The following DLG2 variants were observed in gnomAD, a reference collection of about 807,000 sequenced individuals.
The protein encoded by DLG2 is disks large homolog 2.
Under a neutral mutation model 132.5 loss-of-function variants are expected in DLG2, and 45 were observed. The observed-to-expected ratio is 0.34, with a 90% CI of 0.27 to 0.44. The LOEUF (loss-of-function observed/expected upper bound fraction) is 0.44, where lower values mean the gene tolerates loss of function less well. DLG2 is among the 20% of genes least tolerant of loss of function. DLG2 has a pLI of 1.00. For synonymous variants in DLG2, 424 were observed against 419.6 expected (o/e 1.01, Z -0.13); for missense variants, 1,045 against 1,196.9 (o/e 0.87, Z 1.87).
intron 6 of DLG2, among the ~76,000 whole-genome samples, chr11:84,822,456 C>A (rs1566058904): frequency 6.6e-6 from 1 of 151,754 alleles, no homozygotes; most frequent in African/African-American, 2.4e-5. Flanking sequence ...AAGCACTAAA[C>A]TCAATTATTA....
chr11:83,960,162 C>A (rs1458442937), intron 14 of DLG2, among the ~76,000 whole-genome samples: 1 of 151,986 alleles, frequency 6.6e-6, no homozygotes, highest in Non-Finnish European at 1.5e-5. Context: ...ACTCTCTGAC[C>A]AATGCCTACA....
chr11:84,178,606 A>G (rs560250751), intron 8 of DLG2, among the ~76,000 whole-genome samples: 1 of 152,138 alleles, frequency 6.6e-6, no homozygotes, highest in Non-Finnish European at 1.5e-5. Flanking sequence ...TCACAAATCC[A>G]TTGGTGAAGG....
intron 7 of DLG2, among the ~76,000 whole-genome samples, chr11:84,519,701 C>G (rs1309118763): frequency 6.6e-6 from 1 of 152,090 alleles, no homozygotes; most frequent in Non-Finnish European, 1.5e-5. Flanking sequence ...CCAAAATTTA[C>G]AAAAGATTTA....
At chr11:85,087,061 A>G (rs769809702) in intron 6 of DLG2, among the ~76,000 whole-genome samples, 5 of 152,086 alleles carry the variant, frequency 3.3e-5, no homozygotes, top group Non-Finnish European at 7.4e-5. Flanking sequence ...GCTCATTGTG[A>G]TTCATTTTTG....
intron 3 of DLG2, among the ~76,000 whole-genome samples, chr11:85,295,144 A>G (rs1321383147): frequency 6.6e-6 from 1 of 152,108 alleles, no homozygotes; most frequent in Non-Finnish European, 1.5e-5. Flanking sequence ...TTAACTTTCA[A>G]TTTCACATCA....
chr11:84,366,709 T>C (rs1170784277), intron 7 of DLG2, among the ~76,000 whole-genome samples: 4 of 151,790 alleles, frequency 2.6e-5, no homozygotes, highest in South Asian at 2.1e-4. Context: ...TCAAAAGAGA[T>C]AAAGAAGGCC....
At position 84,625,019 on chromosome 11, in the gene DLG2, C is replaced by A. The variant is rs922568477; in HGVS notation, c.358-90288G>T. The stretch of plus-strand genomic sequence containing the variant: ...GGGACTACAGGCGCCCGCCACTACG[C>A]CCGGCTAATTTTTTGTATTTTTAGT... On this transcript the variant is annotated intron_variant, in intron 6 of 27. Transcript: ENST00000376104. Among the ~76,000 whole-genome samples the A allele has an allele frequency of 2.7e-5, 4 of 149,864 alleles. No individual in the cohort carries two copies. In the South Asian group the frequency reaches 6.4e-4, roughly 24 times the overall value.
chr11:84,466,326 A>G (rs1035372998), intron 7 of DLG2, among the ~76,000 whole-genome samples: 21 of 151,418 alleles, frequency 1.4e-4, no homozygotes, highest in African/African-American at 4.3e-4. Flanking sequence ...TATGTGCTCA[A>G]TATTAAGGAC....
intron 4 of DLG2, among the ~76,000 whole-genome samples, chr11:85,273,620 G>A (rs1344489658): frequency 6.6e-6 from 1 of 152,176 alleles, no homozygotes; most frequent in East Asian, 1.9e-4. Context: ...TGCTGGAGAG[G>A]ATGTGGAGAA....
chr11:84,464,063 C>T (rs1269839755), intron 7 of DLG2, among the ~76,000 whole-genome samples: 1 of 151,126 alleles, frequency 6.6e-6, no homozygotes, highest in East Asian at 1.9e-4. Flanking sequence ...AATGGTTACC[C>T]TTGCAATGAG....
chr11:85,003,307 A>G (rs1335383293), intron 6 of DLG2, among the ~76,000 whole-genome samples: 1 of 152,172 alleles, frequency 6.6e-6, no homozygotes, highest in African/African-American at 2.4e-5. Flanking sequence ...GCACACACCG[A>G]TGACATCCCA....
At chr11:85,414,175 G>A (rs546488115) in intron 3 of DLG2, among the ~76,000 whole-genome samples, 1 of 151,988 alleles carries the variant, frequency 6.6e-6, no homozygotes, top group Non-Finnish European at 1.5e-5. Context: ...AAAAGGGGTT[G>A]AGTTCTCAAT....
chr11:84,694,620 G>A (rs2058422057), intron 6 of DLG2, among the ~76,000 whole-genome samples: 1 of 151,190 alleles, frequency 6.6e-6, no homozygotes, highest in Admixed American at 6.6e-5. Context: ...GGCCTACTTT[G>A]TTTTATCAGA....
intron 3 of DLG2, among the ~76,000 whole-genome samples, chr11:85,289,408 C>A (rs1019188124): frequency 4.6e-5 from 7 of 152,050 alleles, no homozygotes; most frequent in African/African-American, 1.7e-4. Context: ...ATGCCCAGTT[C>A]CAGTTCAGTG....
intron 21 of DLG2, among the ~76,000 whole-genome samples, chr11:83,500,542 C>T (rs756539941): frequency 2.3e-4 from 35 of 152,230 alleles, no homozygotes; most frequent in Middle Eastern, 6.8e-3. Context: ...TGTGTGGTCA[C>T]TGGGTCATAG....
chr11:84,901,894 AG>A (rs1462830885), intron 6 of DLG2, among the ~76,000 whole-genome samples: 7 of 152,130 alleles, frequency 4.6e-5, no homozygotes, highest in Admixed American at 2.0e-4. Context: ...TGTTGAATTA[AG>A]GGGGGAAAAA....
intron 3 of DLG2, among the ~76,000 whole-genome samples, chr11:85,413,799 A>C (rs1005437246): frequency 6.6e-6 from 1 of 151,948 alleles, no homozygotes; most frequent in African/African-American, 2.4e-5. Context: ...TTGGGTGACT[A>C]TGGCCTTATA....
intron 6 of DLG2, among the ~76,000 whole-genome samples, chr11:84,680,491 A>C (rs533230273): frequency 6.6e-6 from 1 of 152,114 alleles, no homozygotes; most frequent in African/African-American, 2.4e-5. Flanking sequence ...AAAGGATACT[A>C]TTCTATTATT....
intron 19 of DLG2, among the ~76,000 whole-genome samples, chr11:83,577,521 G>T (rs867667860): frequency 9.2e-6 from 1 of 108,622 alleles, no homozygotes; most frequent in South Asian, 2.6e-4. Context: ...ATATATATAT[G>T]TATTAGTCAG....
Sources: gnomAD v4.1 joint callset for allele counts (sites outside exome capture counted in the v4.1 genomes callset) on GRCh38, gnomAD v4.1.1 for gene constraint, MANE v1.5 for transcripts, NCBI Gene and HGNC (gene_info 2026-07-23, HGNC 2026-07-21) for gene names.